The following SLC10A7 variants were observed in gnomAD, a reference collection of about 807,000 sequenced individuals.
SLC10A7 encodes solute carrier family 10 member 7, also known as sodium/bile acid cotransporter 7.
A neutral mutation model predicts 43.2 loss-of-function variants in SLC10A7; 29 were observed. The ratio of observed to expected loss-of-function variants is 0.67; its 90% CI spans 0.50 to 0.92. The LOEUF (loss-of-function observed/expected upper bound fraction) is 0.92, where lower values mean the gene tolerates loss of function less well. Ranked by LOEUF, SLC10A7 falls within the 40% of genes least tolerant of loss-of-function variation. The pLI is 0.00. For missense variants in SLC10A7, 295 were observed against 403.2 expected (o/e 0.73, Z 2.30); for synonymous variants, 152 against 144.8 (o/e 1.05, Z -0.35).
chr4:146,286,175 G>A (rs76450926), intron 9 of SLC10A7, among the ~76,000 whole-genome samples: 2 of 115,130 alleles, frequency 1.7e-5, no homozygotes, highest in Non-Finnish European at 3.7e-5. Context: ...TGAGAAGGAC[G>A]GAGTTTGGAG....
At chr4:146,329,521 T>A (rs1733387055) in intron 5 of SLC10A7, among the ~76,000 whole-genome samples, 1 of 152,112 alleles carries the variant, frequency 6.6e-6, no homozygotes, top group Admixed American at 6.5e-5. Context: ...AGAGACTGAG[T>A]GAAGTAGGAA....
At chr4:146,302,499 G>T (rs967045840) in intron 7 of SLC10A7, among the ~76,000 whole-genome samples, 4 of 152,206 alleles carry the variant, frequency 2.6e-5, no homozygotes, top group African/African-American at 7.2e-5. Context: ...TATATTTTGT[G>T]AGAAAGGTCA....
At chr4:146,308,513 G>A (rs1254584821) in intron 6 of SLC10A7, among the ~76,000 whole-genome samples, 1 of 152,076 alleles carries the variant, frequency 6.6e-6, no homozygotes, top group Non-Finnish European at 1.5e-5. Flanking sequence ...TTTAACTAAA[G>A]CAGAAGAAAA....
chr4:146,300,859 C>A (rs552688387), intron 7 of SLC10A7, among the ~76,000 whole-genome samples: 1 of 151,910 alleles, frequency 6.6e-6, no homozygotes, highest in African/African-American at 2.4e-5. Context: ...ATATACAGAC[C>A]TAAAAATATT....
Position 146,267,906 on chromosome 4 carries a change from C to G in SLC10A7, c.848-9069G>C, listed in dbSNP as rs78146358. Among the ~76,000 whole-genome samples, 1,086 of 152,208 alleles carry G rather than the reference C, an allele frequency of 7.1e-3. 15 individuals carry two copies. Among genetic ancestry groups the G allele is most frequent in the African/African-American group, 0.025 (1,027 of 41,530 alleles). On this transcript the variant is annotated intron_variant, in intron 10 of 11. Transcript: ENST00000335472. Reference sequence around the variant, plus strand: ...GTCTGACAAACCCCCTTTGCTAGAGCTCTGGCAGAAAAACAGGACAATCTT... The same window carrying G: ...GTCTGACAAACCCCCTTTGCTAGAGGTCTGGCAGAAAAACAGGACAATCTT...
intron 5 of SLC10A7, among the ~76,000 whole-genome samples, chr4:146,384,360 G>A (rs993488726): frequency 3.9e-5 from 6 of 151,962 alleles, no homozygotes; most frequent in African/African-American, 1.2e-4. Context: ...AAAGATAAAT[G>A]ACTAGAAATA....
chr4:146,456,593 T>C (rs1302570233), intron 4 of SLC10A7, among the ~76,000 whole-genome samples: 1 of 151,890 alleles, frequency 6.6e-6, no homozygotes, highest in Non-Finnish European at 1.5e-5. Context: ...ACAATTACAG[T>C]TTAATTATAA....
intron 5 of SLC10A7, among the ~76,000 whole-genome samples, chr4:146,328,659 T>C (rs1733325012): frequency 6.6e-6 from 1 of 151,890 alleles, no homozygotes; most frequent in Non-Finnish European, 1.5e-5. Context: ...GGAGTCCCTA[T>C]CCCCCAAAAT....
At chr4:146,437,287 T>C (rs1274648615) in intron 5 of SLC10A7, among the ~76,000 whole-genome samples, 6 of 152,118 alleles carry the variant, frequency 3.9e-5, no homozygotes, top group Admixed American at 1.3e-4. Flanking sequence ...ATGAAATGCA[T>C]AGCACGATGA....
At chr4:146,521,535 G>A in intron 1 of SLC10A7, 83 bp downstream of exon 1, 1 of 1,173,502 alleles carries the variant, frequency 8.5e-7, no homozygotes, top group East Asian at 2.5e-5. Flanking sequence ...CGCTTGCAAT[G>A]AGGGTTGCCC....
intron 4 of SLC10A7, among the ~76,000 whole-genome samples, chr4:146,474,972 C>T (rs1733901226): frequency 6.6e-6 from 1 of 152,134 alleles, no homozygotes; most frequent in African/African-American, 2.4e-5. Flanking sequence ...CTAGAAAGGA[C>T]CTTCCTTTTC....
intron 5 of SLC10A7, among the ~76,000 whole-genome samples, chr4:146,413,043 A>G (rs1039037924): frequency 6.6e-5 from 10 of 152,268 alleles, no homozygotes; most frequent in Admixed American, 2.6e-4. Flanking sequence ...AGAGATTCCA[A>G]AGGACTTCCT....
chr4:146,341,181 A>G (rs1258923429), intron 5 of SLC10A7, among the ~76,000 whole-genome samples: 1 of 151,854 alleles, frequency 6.6e-6, no homozygotes, highest in East Asian at 1.9e-4. Context: ...TATAAGTATA[A>G]TTGCAGGAAC....
chr4:146,375,707 T>C (rs1177833326), intron 5 of SLC10A7, among the ~76,000 whole-genome samples: 1 of 152,178 alleles, frequency 6.6e-6, no homozygotes, highest in Non-Finnish European at 1.5e-5. Flanking sequence ...CTAGTGTTTT[T>C]CCTATTCTCA....
intron 5 of SLC10A7, among the ~76,000 whole-genome samples, chr4:146,387,660 T>A (rs748227983): frequency 1.3e-5 from 2 of 152,326 alleles, no homozygotes; most frequent in South Asian, 4.1e-4. Context: ...ACTGATAATA[T>A]GATCTTTTAT....
chr4:146,295,517 A>T (rs574102845), intron 7 of SLC10A7, among the ~76,000 whole-genome samples: 1 of 152,244 alleles, frequency 6.6e-6, no homozygotes, highest in East Asian at 1.9e-4. Context: ...AAACACAGTG[A>T]TGTACAGAAA....
chr4:146,425,090 C>T (rs1210321865), intron 5 of SLC10A7, among the ~76,000 whole-genome samples: 3 of 152,084 alleles, frequency 2.0e-5, no homozygotes, highest in African/African-American at 7.2e-5. Context: ...TGTTTAAGTG[C>T]TGGATACTTA....
At chr4:146,503,256 C>G (rs768992987) in intron 4 of SLC10A7, among the ~76,000 whole-genome samples, 1 of 152,050 alleles carries the variant, frequency 6.6e-6, no homozygotes, top group Non-Finnish European at 1.5e-5. Flanking sequence ...AATGAATGTC[C>G]GTCAGTATAA....
At chr4:146,356,479 C>T (rs527910573) in intron 5 of SLC10A7, among the ~76,000 whole-genome samples, 1 of 151,950 alleles carries the variant, frequency 6.6e-6, no homozygotes, top group Non-Finnish European at 1.5e-5. Flanking sequence ...TGGAATATTG[C>T]ATTCTACTCT....
Sources: gnomAD v4.1 joint callset for allele counts (sites outside exome capture counted in the v4.1 genomes callset) on GRCh38, gnomAD v4.1.1 for gene constraint, MANE v1.5 for transcripts, NCBI Gene and HGNC (gene_info 2026-07-23, HGNC 2026-07-21) for gene names.